TMTC2: variants seen among roughly 807,000 people sequenced by gnomAD.
TMTC2 encodes the protein protein O-mannosyl-transferase TMTC2.
Under a neutral mutation model 82.4 loss-of-function variants are expected in TMTC2, and 43 were observed. The ratio of observed to expected loss-of-function variants is 0.52; its 90% CI spans 0.41 to 0.67. The LOEUF (loss-of-function observed/expected upper bound fraction) is 0.67. TMTC2 is among the 30% of genes least tolerant of loss of function. TMTC2 has a pLI of 0.00. For synonymous variants in TMTC2, 408 were observed against 381.9 expected (o/e 1.07, Z -0.80); for missense variants, 919 against 1,012.4 (o/e 0.91, Z 1.25).
chr12:82,911,320 C>T (rs1266627642), intron 3 of TMTC2, among the ~76,000 whole-genome samples: 2 of 151,970 alleles, frequency 1.3e-5, no homozygotes, highest in African/African-American at 2.4e-5. Context: ...GAACCATGCC[C>T]TCCTCTACCC....
At chr12:83,029,851 T>C (rs1881353098) in intron 8 of TMTC2, among the ~76,000 whole-genome samples, 1 of 152,232 alleles carries the variant, frequency 6.6e-6, no homozygotes, top group Non-Finnish European at 1.5e-5. Context: ...AATCAATTTG[T>C]TGTATGTAAA....
At chr12:82,969,802 T>C (rs1271333148) in intron 7 of TMTC2, among the ~76,000 whole-genome samples, 2 of 152,218 alleles carry the variant, frequency 1.3e-5, no homozygotes, top group Non-Finnish European at 2.9e-5. Context: ...TTCAATTTCA[T>C]AGGACCAAGA....
chr12:83,007,122 GA>G (rs200627855), intron 8 of TMTC2, among the ~76,000 whole-genome samples: 16 of 148,670 alleles, frequency 1.1e-4, no homozygotes, highest in South Asian at 1.1e-3. Context: ...ATTTAGAATT[GA>G]AAAAAAAAAT....
intron 1 of TMTC2, among the ~76,000 whole-genome samples, chr12:82,806,361 A>G (rs189254982): frequency 8.5e-5 from 13 of 152,256 alleles, no homozygotes; most frequent in African/African-American, 2.6e-4. Context: ...ACCATAGTCA[A>G]ATTCCTCCAA....
chr12:82,782,418 A>T (rs1877953830), intron 1 of TMTC2, among the ~76,000 whole-genome samples: 1 of 152,174 alleles, frequency 6.6e-6, no homozygotes, highest in African/African-American at 2.4e-5. Context: ...TTTATTCAGT[A>T]GACATTTTAT....
chr12:82,915,711 T>G (rs1874962246), intron 3 of TMTC2, among the ~76,000 whole-genome samples: 1 of 152,222 alleles, frequency 6.6e-6, no homozygotes, highest in Admixed American at 6.5e-5. Flanking sequence ...TCTTGGTCTT[T>G]CTAAGGGTTC....
intron 4 of TMTC2, among the ~76,000 whole-genome samples, chr12:82,954,412 CT>C (rs1195515030): frequency 6.6e-6 from 1 of 152,196 alleles, no homozygotes; most frequent in African/African-American, 2.4e-5. Flanking sequence ...TCTGTCTTCA[CT>C]GTGAGACAAT....
At chr12:82,779,167 A>G (rs1877764340) in intron 1 of TMTC2, among the ~76,000 whole-genome samples, 1 of 152,084 alleles carries the variant, frequency 6.6e-6, no homozygotes, top group Non-Finnish European at 1.5e-5. Flanking sequence ...GAATCCCAAC[A>G]TCACGGCAGG....
At chr12:82,894,652 G>A (rs753425978) in intron 2 of TMTC2, among the ~76,000 whole-genome samples, 12 of 152,054 alleles carry the variant, frequency 7.9e-5, no homozygotes, top group East Asian at 1.9e-4. Flanking sequence ...GCCTCTTTAC[G>A]ACTTAGATTT....
chr12:82,804,653 G>A (rs748295969), intron 1 of TMTC2, among the ~76,000 whole-genome samples: 6 of 152,044 alleles, frequency 3.9e-5, no homozygotes, highest in African/African-American at 1.2e-4. Context: ...CCAACTGATA[G>A]CAATTTAAAA....
At chr12:82,815,488 A>G (rs1430249074) in intron 1 of TMTC2, among the ~76,000 whole-genome samples, 1 of 150,904 alleles carries the variant, frequency 6.6e-6, no homozygotes, top group Non-Finnish European at 1.5e-5. Flanking sequence ...TTTTTTTTGT[A>G]TTTTTAGTAG....
chr12:82,734,807 T>A (rs1286732145), intron 1 of TMTC2, among the ~76,000 whole-genome samples: 1 of 152,226 alleles, frequency 6.6e-6, no homozygotes, highest in African/African-American at 2.4e-5. Context: ...AACCAATATT[T>A]ACTGAGAACT....
rs111303429 is a variant in TMTC2 at position 83,109,475 on chromosome 12, A to C, written c.2332-22735A>C. Among the ~76,000 whole-genome samples the C allele has an allele frequency of 3.4e-3, 510 of 151,718 alleles. 4 individuals carry two copies. The highest frequency in any genetic ancestry group is 0.012 in the African/African-American group (481 of 41,534). Reference sequence around the variant, plus strand: ...AACCAGTCACTCCCCAATTCTTGAAATATTTCACTAAGTTTGGTCTCTCAA... The same window carrying C: ...AACCAGTCACTCCCCAATTCTTGAACTATTTCACTAAGTTTGGTCTCTCAA... On this transcript the variant is annotated intron_variant, in intron 11 of 11. Transcript: ENST00000321196.
chr12:82,902,928 C>T (rs906194169), intron 3 of TMTC2, among the ~76,000 whole-genome samples: 1 of 152,098 alleles, frequency 6.6e-6, no homozygotes, highest in Non-Finnish European at 1.5e-5. Context: ...CTCTAGCTAG[C>T]TAGATAGATT....
chr12:82,710,955 G>C (rs1873591552), intron 1 of TMTC2, among the ~76,000 whole-genome samples: 1 of 152,280 alleles, frequency 6.6e-6, no homozygotes, highest in Non-Finnish European at 1.5e-5. Flanking sequence ...TATAGCCTCT[G>C]GTCTCAAGGA....
chr12:82,811,201 G>A (rs1295496467), intron 1 of TMTC2, among the ~76,000 whole-genome samples: 1 of 152,036 alleles, frequency 6.6e-6, no homozygotes, highest in African/African-American at 2.4e-5. Context: ...ACTCCAGCCT[G>A]GGCAACAGAG....
chr12:82,720,069 A>G (rs1340429924), intron 1 of TMTC2, among the ~76,000 whole-genome samples: 3 of 152,148 alleles, frequency 2.0e-5, no homozygotes, highest in African/African-American at 7.2e-5. Context: ...AGGTTTATTG[A>G]TACATAATTC....
At chr12:82,964,198 G>C (rs888164596) in intron 4 of TMTC2, among the ~76,000 whole-genome samples, 3 of 151,708 alleles carry the variant, frequency 2.0e-5, no homozygotes, top group Admixed American at 1.3e-4. Flanking sequence ...ATGGGGATAG[G>C]CCAAAAAGCC....
chr12:82,843,231 T>G (rs1870442350), intron 1 of TMTC2, among the ~76,000 whole-genome samples: 1 of 151,978 alleles, frequency 6.6e-6, no homozygotes, highest in Non-Finnish European at 1.5e-5. Context: ...GGATTACAGG[T>G]GCCCGCCACC....
Sources: gnomAD v4.1 joint callset for allele counts (sites outside exome capture counted in the v4.1 genomes callset) on GRCh38, gnomAD v4.1.1 for gene constraint, MANE v1.5 for transcripts, NCBI Gene and HGNC (gene_info 2026-07-23, HGNC 2026-07-21) for gene names.